Variants in PLCB1 observed in about 807,000 individuals in gnomAD.
PLCB1 encodes phospholipase C beta 1, also known as 1-phosphatidylinositol 4,5-bisphosphate phosphodiesterase beta-1.
In PLCB1, 46 loss-of-function variants were observed where a neutral mutation model predicts 161.8. The observed-to-expected ratio is 0.28, with a 90% CI of 0.22 to 0.36. The LOEUF is 0.36. PLCB1 is among the 10% of genes least tolerant of loss of function. The probability of loss-of-function intolerance (pLI) is 1.00; values close to 1 mark genes in which losing one functional copy is unlikely to be tolerated. For synonymous variants in PLCB1, 517 were observed against 503.7 expected (o/e 1.03, Z -0.35); for missense variants, 1,016 against 1,472.5 (o/e 0.69, Z 5.07).
chr20:8,875,876 A>G (rs1987763272), intron 31 of PLCB1, among the ~76,000 whole-genome samples: 1 of 149,424 alleles, frequency 6.7e-6, no homozygotes, highest in Non-Finnish European at 1.5e-5. Context: ...AACCTTCAAG[A>G]GTAACTTTGC....
chr20:8,332,218 C>T (rs981351981), intron 2 of PLCB1, among the ~76,000 whole-genome samples: 6 of 152,218 alleles, frequency 3.9e-5, no homozygotes, highest in African/African-American at 1.4e-4. Context: ...CTTTGGGCTG[C>T]TTTCCAGCAG....
chr20:8,648,610 A>G (rs542317166), intron 6 of PLCB1, among the ~76,000 whole-genome samples: 2 of 152,314 alleles, frequency 1.3e-5, no homozygotes, highest in South Asian at 4.1e-4. Flanking sequence ...AAAGTCTTTA[A>G]CTTTTGACTT....
rs1568705858 is a variant in PLCB1, at chr20:8,510,388, T to TC, written c.247-117906_247-117905insC. Among the ~76,000 whole-genome samples, 7 of 149,352 alleles carry TC rather than the reference T, an allele frequency of 4.7e-5. No individual in the cohort carries two copies. In the South Asian group the frequency reaches 1.5e-3, roughly 31 times the overall value. ...GATCTTTTTCTTTTCTTTTTCTTTTTTTTTTTTTTTTTTTAAGATGGAGTT... is the reference window on the plus strand; with the variant it reads ...GATCTTTTTCTTTTCTTTTTCTTTTTCTTTTTTTTTTTTTTAAGATGGAGTT... On this transcript the variant is annotated intron_variant, in intron 3 of 31. Coordinates refer to ENST00000338037, the MANE Select transcript of PLCB1 (RefSeq NM_015192.4).
rs373519793 is a variant in PLCB1 at position 8,554,532 on chromosome 20, A to T, written c.247-73762A>T. Among the ~76,000 whole-genome samples the T allele has an allele frequency of 8.8e-4, 134 of 152,266 alleles. 2 individuals carry two copies. The highest frequency in any genetic ancestry group is 3.2e-3 in the African/African-American group (133 of 41,572). The stretch of plus-strand genomic sequence containing the variant: ...AAAATGGACCATACTCTACACTTCC[A>T]TTTATATTAAGTTTAAAGACAAGGA... On this transcript the variant is annotated intron_variant, in intron 3 of 31. Transcript: ENST00000338037.
chr20:8,260,115 G>C (rs529380083), intron 2 of PLCB1, among the ~76,000 whole-genome samples: 1 of 148,604 alleles, frequency 6.7e-6, no homozygotes, highest in South Asian at 2.1e-4. Context: ...TTTTCAGACA[G>C]TGTTGCCCAG....
intron 3 of PLCB1, among the ~76,000 whole-genome samples, chr20:8,491,056 A>G (rs988000609): frequency 6.6e-6 from 1 of 151,768 alleles, no homozygotes; most frequent in African/African-American, 2.4e-5. Context: ...TAAATATTTT[A>G]CTTTTATAAA....
intron 2 of PLCB1, among the ~76,000 whole-genome samples, chr20:8,285,429 T>A (rs1035144930): frequency 6.6e-6 from 1 of 152,062 alleles, no homozygotes; most frequent in African/African-American, 2.4e-5. Context: ...GAAATAATGG[T>A]GGCTAGATTC....
chr20:8,646,792 A>G (rs1989182317), intron 5 of PLCB1, among the ~76,000 whole-genome samples: 1 of 152,262 alleles, frequency 6.6e-6, no homozygotes, highest in African/African-American at 2.4e-5. Context: ...TTGTTTGACC[A>G]AGGAAAATAA....
At chr20:8,673,425 G>T (rs1989998249) in intron 9 of PLCB1, among the ~76,000 whole-genome samples, 1 of 152,110 alleles carries the variant, frequency 6.6e-6, no homozygotes, top group Non-Finnish European at 1.5e-5. Flanking sequence ...ATGCTGTCTG[G>T]TTAGCACTTC....
chr20:8,699,334 T>C (rs1219669661), intron 11 of PLCB1, among the ~76,000 whole-genome samples: 9 of 152,132 alleles, frequency 5.9e-5, no homozygotes, highest in Non-Finnish European at 1.0e-4. Flanking sequence ...AGCAAGAATA[T>C]GGGATGAATT....
intron 2 of PLCB1, among the ~76,000 whole-genome samples, chr20:8,331,136 G>T (rs142942291): frequency 2.4e-3 from 362 of 152,252 alleles, no homozygotes; most frequent in African/African-American, 8.3e-3. Flanking sequence ...ATAGACAAAG[G>T]TCAAAATTAC....
In PLCB1 at chr20:8,619,459, A is replaced by G. The variant is rs540317603; in HGVS notation, c.247-8835A>G. Among the ~76,000 whole-genome samples the G allele has an allele frequency of 3.9e-5, 6 of 152,200 alleles. No individual in the cohort carries two copies. The South Asian group carries it at 1.2e-3, about 32-fold the overall frequency. On this transcript the variant is annotated intron_variant, in intron 3 of 31. Coordinates refer to ENST00000338037, the MANE Select transcript of PLCB1 (RefSeq NM_015192.4). Reference sequence around the variant, plus strand: ...AGAAAAAAAGAAAAAGATAAGTATAAGCTAACATTTATTTCACTGCATTTT... The same window carrying G: ...AGAAAAAAAGAAAAAGATAAGTATAGGCTAACATTTATTTCACTGCATTTT...
At chr20:8,713,263 A>C (rs1412553543) in intron 12 of PLCB1, among the ~76,000 whole-genome samples, 1 of 152,114 alleles carries the variant, frequency 6.6e-6, no homozygotes, top group Non-Finnish European at 1.5e-5. Flanking sequence ...ATCTCGGCTT[A>C]CTGCAACCTC....
chr20:8,335,663 G>A (rs1411729055), intron 2 of PLCB1, among the ~76,000 whole-genome samples: 1 of 152,162 alleles, frequency 6.6e-6, no homozygotes, highest in Non-Finnish European at 1.5e-5. Context: ...CAAGCATGAT[G>A]CACATTATAA....
intron 2 of PLCB1, among the ~76,000 whole-genome samples, chr20:8,335,711 A>G (rs1461346545): frequency 2.0e-5 from 3 of 152,240 alleles, no homozygotes; most frequent in Non-Finnish European, 4.4e-5. Flanking sequence ...ATCAAGTTCT[A>G]TGCAATTAAT....
intron 9 of PLCB1, among the ~76,000 whole-genome samples, chr20:8,667,486 G>A (rs952255743): frequency 1.3e-5 from 2 of 152,064 alleles, no homozygotes; most frequent in Admixed American, 6.6e-5. Context: ...TTTCCTTTCC[G>A]TTATTACATT....
At chr20:8,738,940 G>T (rs11087821) in intron 20 of PLCB1, among the ~76,000 whole-genome samples, 33,586 of 152,034 alleles carry the variant, frequency 0.22, 3,745 homozygotes, top group Middle Eastern at 0.36. Context: ...ACCTGAGGTC[G>T]GGAGTTCGAG....
At chr20:8,210,635 G>A (rs1324243100) in intron 2 of PLCB1, among the ~76,000 whole-genome samples, 1 of 152,046 alleles carries the variant, frequency 6.6e-6, no homozygotes, top group African/African-American at 2.4e-5. Flanking sequence ...GTACACTTTT[G>A]CTCATGTAAT....
chr20:8,792,667 C>T (rs977021011), intron 31 of PLCB1: 10 of 470,048 alleles, frequency 2.1e-5, no homozygotes, highest in Admixed American at 4.7e-5. Context: ...TTGAAGGTTG[C>T]CCATGAAGAT....
Sources: gnomAD v4.1 joint callset for allele counts (sites outside exome capture counted in the v4.1 genomes callset) on GRCh38, gnomAD v4.1.1 for gene constraint, MANE v1.5 for transcripts, NCBI Gene and HGNC (gene_info 2026-07-23, HGNC 2026-07-21) for gene names.